The following ASMTL variants were observed in gnomAD, a reference collection of about 807,000 sequenced individuals.
The protein encoded by ASMTL is acetylserotonin O-methyltransferase like.
A neutral mutation model predicts 60.3 loss-of-function variants in ASMTL; 57 were observed. The observed-to-expected ratio is 0.95, with a 90% CI of 0.76 to 1.18. ASMTL has a LOEUF of 1.18. ASMTL is among the 50% of genes most tolerant of loss of function. ASMTL has a pLI of 0.00. For synonymous variants in ASMTL, 419 were observed against 373.0 expected (o/e 1.12, Z -1.42); for missense variants, 981 against 852.6 (o/e 1.15, Z -1.88).
At chrX:1,418,537 A>G (rs756291983) in intron 10 of ASMTL, among the ~76,000 whole-genome samples, 1 of 152,040 alleles carries the variant, frequency 6.6e-6, no homozygotes, top group East Asian at 1.9e-4. Context: ...TACAGCAGCC[A>G]CTCTGGACCA....
At chrX:1,410,848 C>T (rs1254265067) in intron 12 of ASMTL, among the ~76,000 whole-genome samples, 1 of 151,756 alleles carries the variant, frequency 6.6e-6, no homozygotes, top group Admixed American at 6.6e-5. Context: ...TGTGACTGCT[C>T]CACTGCACAC....
rs1195594948 is a variant in ASMTL at position 1,417,995 on chromosome X, T to A, written c.1500A>T (p.Ala500=). Residue 500 remains alanine (A), a synonymous_variant, in exon 11 of 13, where the codon GCA becomes GCT. Transcript: ENST00000381317. Reference sequence around the variant, plus strand: ...CACCTGCTGCGAAGTGGATCTGCACTGCCTGCGGTCCGGGGGGTTGGAAGT... The same window carrying A: ...CACCTGCTGCGAAGTGGATCTGCACAGCCTGCGGTCCGGGGGGTTGGAAGT... ...AAHFQPPGPQ[A]VQIHFAAGDF... is the part of the protein sequence containing the mutation. 6.2e-7 allele frequency: 1 copy of A among 1,612,720 alleles called. No individual in the cohort carries two copies. The highest frequency in any genetic ancestry group is 1.7e-5 in the Admixed American group (1 of 59,874).
At chrX:1,410,690 G>C (rs1320910435) in intron 12 of ASMTL, among the ~76,000 whole-genome samples, 1 of 151,868 alleles carries the variant, frequency 6.6e-6, no homozygotes, top group African/African-American at 2.4e-5. Context: ...GGGATTACAG[G>C]TGTGAGCCAC....
intron 10 of ASMTL, 29 bp from the exon 11 acceptor site, chrX:1,418,145 G>A: frequency 1.3e-6 from 2 of 1,569,026 alleles, no homozygotes; most frequent in African/African-American, 1.3e-5. Context: ...ATGCTCTGTG[G>A]CTGGGTCGTC....
At chrX:1,417,399 C>G in intron 11 of ASMTL, among the ~76,000 whole-genome samples, 1 of 44,178 alleles carries the variant, frequency 2.3e-5, no homozygotes, top group South Asian at 1.3e-3. Context: ...CAGAGACTTG[C>G]AGACACGTGG....
At position 1,411,183 on chromosome X, in the gene ASMTL, C is replaced by CA. The variant is rs1177614347; in HGVS notation, c.1645+1548dup. ...TGGGCGACAGAGCGAGACTCCGTCT[C>CA]AAAAAAAAAAAAGAAGAGAGATACA... On this transcript the variant is annotated intron_variant, in intron 12 of 12. Transcript: ENST00000381317. 6.9e-4 allele frequency among the ~76,000 whole-genome samples: 101 copies of CA among 145,644 alleles called. No individual in the cohort carries two copies. The South Asian group carries it at 8.0e-3, about 11-fold the overall frequency.
intron 4 of ASMTL, 118 bp from the exon 5 acceptor site, chrX:1,435,201 C>T (rs2090928130): frequency 1.9e-6 from 2 of 1,057,038 alleles, no homozygotes; most frequent in Admixed American, 1.9e-5. Context: ...CCGTCCCCAG[C>T]ATCTTCTCCC....
chrX:1,406,559 T>C (rs2089852990), intron 12 of ASMTL, among the ~76,000 whole-genome samples: 2 of 145,442 alleles, frequency 1.4e-5, no homozygotes, highest in South Asian at 4.3e-4. Context: ...GGTGGATGGA[T>C]GGATGGATAG....
intron 1 of ASMTL, among the ~76,000 whole-genome samples, chrX:1,445,258 G>C (rs1260067487): frequency 6.6e-6 from 1 of 151,978 alleles, no homozygotes; most frequent in African/African-American, 2.4e-5. Context: ...CTGGGTCTCT[G>C]TCTTTTGTCT....
intron 11 of ASMTL, among the ~76,000 whole-genome samples, chrX:1,416,834 C>T (rs2090296744): frequency 6.6e-6 from 1 of 150,914 alleles, no homozygotes; most frequent in South Asian, 2.1e-4. Context: ...TACAGATGGG[C>T]ACACAGACAT....
At chrX:1,444,431 A>G (rs1163872578) in intron 1 of ASMTL, among the ~76,000 whole-genome samples, 15 of 151,162 alleles carry the variant, frequency 9.9e-5, no homozygotes, top group Non-Finnish European at 2.1e-4. Context: ...CTGGTGTCGA[A>G]CTCCTGACCT....
Position 1,417,429 on chromosome X carries a change from GACAC to G in ASMTL, c.1522+540_1522+543del, listed in dbSNP as rs769642745. On this transcript the variant is annotated intron_variant, in intron 11 of 12. Transcript: ENST00000381317. ...ACGTGGACACACAGTCTCATGCACA[GACAC>G]ACACACAAGGACATACTACACAGAC... Among the ~76,000 whole-genome samples the G allele has an allele frequency of 1.1e-3, 163 of 146,532 alleles. 1 individual carries two copies. The highest frequency in any genetic ancestry group is 3.0e-3 in the African/African-American group (119 of 39,546).
chrX:1,431,272 T>C (rs1309642389), intron 6 of ASMTL, among the ~76,000 whole-genome samples: 1 of 128,228 alleles, frequency 7.8e-6, no homozygotes, highest in Non-Finnish European at 1.6e-5. Context: ...ATTATATATT[T>C]ATATATAAAT....
chrX:1,446,799 C>T (rs2149347853), intron 1 of ASMTL, among the ~76,000 whole-genome samples: 1 of 152,184 alleles, frequency 6.6e-6, no homozygotes, highest in Non-Finnish European at 1.5e-5. Flanking sequence ...ATGCCCAGCC[C>T]ATAATTTGTC....
At chrX:1,429,464 T>G (rs1308354795) in intron 6 of ASMTL, among the ~76,000 whole-genome samples, 1 of 152,006 alleles carries the variant, frequency 6.6e-6, no homozygotes, top group African/African-American at 2.4e-5. Flanking sequence ...TGAGCTACTG[T>G]GCCCGGCCTG....
chrX:1,422,631 C>T (rs5949059), intron 8 of ASMTL, among the ~76,000 whole-genome samples: 101,287 of 151,872 alleles, frequency 0.67, 34,850 homozygotes, highest in South Asian at 0.87. Flanking sequence ...GGTGGAGACC[C>T]GTATATGGAA....
intron 5 of ASMTL, among the ~76,000 whole-genome samples, chrX:1,433,317 G>A (rs1308960158): frequency 6.6e-6 from 1 of 151,820 alleles, no homozygotes; most frequent in Admixed American, 6.6e-5. Flanking sequence ...GAGGGGGCTG[G>A]AGATGGAGTT....
rs768422971 is a variant in ASMTL, at chrX:1,405,848, T to C, written c.1646-2359A>G. 8.4e-3 allele frequency among the ~76,000 whole-genome samples: 1,253 copies of C among 149,444 alleles called. 7 individuals are homozygous for C. Among genetic ancestry groups the C allele is most frequent in the Non-Finnish European group, 0.014 (935 of 67,522 alleles). On this transcript the variant is annotated intron_variant, in intron 12 of 12. Transcript: ENST00000381317. The stretch of plus-strand genomic sequence containing the variant: ...AGATGGTAGCTGATGGGTACATAGG[T>C]AGATGGATGGATGGATAGATGGATG...
intron 12 of ASMTL, among the ~76,000 whole-genome samples, chrX:1,410,924 G>A (rs775762897): frequency 4.3e-4 from 65 of 151,320 alleles, no homozygotes; most frequent in Admixed American, 3.1e-3. Flanking sequence ...GGTGGCTCAC[G>A]CCTGTAATCC....
Sources: gnomAD v4.1 joint callset for allele counts (sites outside exome capture counted in the v4.1 genomes callset) on GRCh38, gnomAD v4.1.1 for gene constraint, MANE v1.5 for transcripts, NCBI Gene and HGNC (gene_info 2026-07-23, HGNC 2026-07-21) for gene names.